Variants in TBL1XR1 observed in about 807,000 individuals in gnomAD.
TBL1XR1 encodes the protein TBL1X/Y related 1.
TBL1XR1 carries 5 observed loss-of-function variants against 66.9 expected under a neutral mutation model. That is an observed-to-expected ratio of 0.07 (90% CI 0.04 to 0.16). The LOEUF is 0.16. Among genes scored for constraint, TBL1XR1 ranks in the 10% least tolerant of loss-of-function variants. The probability of loss-of-function intolerance (pLI) is 1.00; values close to 1 mark genes in which losing one functional copy is unlikely to be tolerated. For synonymous variants in TBL1XR1, 210 were observed against 206.0 expected (o/e 1.02, Z -0.17); for missense variants, 238 against 623.2 (o/e 0.38, Z 6.58).
intron 1 of TBL1XR1, among the ~76,000 whole-genome samples, chr3:177,180,265 CACT>C (rs1734657270): frequency 6.7e-6 from 1 of 148,386 alleles, no homozygotes; most frequent in African/African-American, 2.5e-5. Flanking sequence ...AAAGCATACC[CACT>C]ACAAGAAACA....
upstream of TBL1XR1, among the ~76,000 whole-genome samples, chr3:177,199,461 C>T (rs1737300307): frequency 7.1e-6 from 1 of 140,590 alleles, no homozygotes; most frequent in Admixed American, 7.0e-5. Flanking sequence ...CTCGGTGGAG[C>T]CACTCAATGA....
At chr3:177,201,414 C>CAAAAAAAAAA (rs557996871), upstream of TBL1XR1, among the ~76,000 whole-genome samples, 1 of 41,352 alleles carries the variant, frequency 2.4e-5, no homozygotes, top group African/African-American at 7.1e-5. Flanking sequence ...GATTACATCT[C>CAAAAAAAAAA]AAAAAAAAAA....
At chr3:177,133,670 G>C (rs1242675174) in intron 1 of TBL1XR1, among the ~76,000 whole-genome samples, 1 of 152,016 alleles carries the variant, frequency 6.6e-6, no homozygotes, top group Non-Finnish European at 1.5e-5. Flanking sequence ...GAGAGGCGGA[G>C]GCAGATGGAT....
intron 1 of TBL1XR1, among the ~76,000 whole-genome samples, chr3:177,158,226 TTTC>T (rs1417195795): frequency 9.4e-5 from 4 of 42,350 alleles, no homozygotes; most frequent in Admixed American, 4.2e-4. Context: ...ATTTGTTTCT[TTTC>T]TTTTTTTTTT....
chr3:177,052,766 C>T (rs1717267735), intron 4 of TBL1XR1, among the ~76,000 whole-genome samples: 1 of 152,124 alleles, frequency 6.6e-6, no homozygotes, highest in Non-Finnish European at 1.5e-5. Context: ...ACATGTTAAT[C>T]TCTGAAATAG....
At chr3:177,093,898 T>A (rs1241779962) in intron 2 of TBL1XR1, among the ~76,000 whole-genome samples, 1 of 152,172 alleles carries the variant, frequency 6.6e-6, no homozygotes, top group African/African-American at 2.4e-5. Context: ...AAAACCCTTC[T>A]AGACACTAGC....
At position 177,108,501 on chromosome 3, in the gene TBL1XR1, T is replaced by C. The variant is rs115441269; in HGVS notation, c.-121-9960A>G. 6.6e-3 allele frequency among the ~76,000 whole-genome samples: 1,002 copies of C among 152,294 alleles called. 14 individuals are homozygous for C. The highest frequency in any genetic ancestry group is 0.023 in the African/African-American group (954 of 41,564). ...TCATCTATATAGTGTATTAGACAGC[T>C]TGATAACAAGTATGAACATAGTGTT... On this transcript the variant is annotated intron_variant, in intron 1 of 15. Coordinates refer to ENST00000457928, the MANE Select transcript of TBL1XR1 (RefSeq NM_024665.7).
chr3:177,098,356 G>A (rs1723765698), intron 2 of TBL1XR1, 110 bp downstream of exon 2: 2 of 438,328 alleles, frequency 4.6e-6, no homozygotes. Context: ...CACTTACTTA[G>A]CTTGGGAACA....
chr3:177,060,617 CAG>C (rs1718394015), intron 3 of TBL1XR1, among the ~76,000 whole-genome samples: 2 of 152,134 alleles, frequency 1.3e-5, no homozygotes, highest in Non-Finnish European at 2.9e-5. Flanking sequence ...AACCAGGTGT[CAG>C]AAAGTTCAAA....
chr3:177,049,213 G>T (rs1390691617), intron 7 of TBL1XR1, among the ~76,000 whole-genome samples: 3 of 152,150 alleles, frequency 2.0e-5, no homozygotes, highest in Non-Finnish European at 4.4e-5. Flanking sequence ...CCTTTAGAAA[G>T]TCCACAAAGG....
At chr3:177,028,920 C>CA (rs1713541207) in intron 14 of TBL1XR1, among the ~76,000 whole-genome samples, 1 of 151,950 alleles carries the variant, frequency 6.6e-6, no homozygotes. Context: ...ATGAAACCGG[C>CA]ATTATGAAAA....
At chr3:177,067,671 C>CCT (rs1719341074) in intron 2 of TBL1XR1, among the ~76,000 whole-genome samples, 1 of 151,908 alleles carries the variant, frequency 6.6e-6, no homozygotes. Context: ...TTTAATTGAT[C>CCT]ATAGTGCTAT....
intron 1 of TBL1XR1, among the ~76,000 whole-genome samples, chr3:177,190,051 T>C (rs1386021396): frequency 2.1e-5 from 3 of 145,856 alleles, no homozygotes; most frequent in Non-Finnish European, 1.5e-5. Flanking sequence ...GAAAATCGCT[T>C]GAACCCAGGA....
At chr3:177,133,586 T>C (rs1264401324) in intron 1 of TBL1XR1, among the ~76,000 whole-genome samples, 2 of 152,098 alleles carry the variant, frequency 1.3e-5, no homozygotes, top group African/African-American at 4.8e-5. Context: ...TACATAATAA[T>C]ATACGCATAC....
At chr3:177,069,537 C>T (rs1289814776) in intron 2 of TBL1XR1, among the ~76,000 whole-genome samples, 2 of 151,692 alleles carry the variant, frequency 1.3e-5, no homozygotes, top group Non-Finnish European at 2.9e-5. Context: ...AGTTTGACAC[C>T]AGCCTGATCA....
At chr3:177,122,811 A>C (rs927401988) in intron 1 of TBL1XR1, among the ~76,000 whole-genome samples, 1 of 152,128 alleles carries the variant, frequency 6.6e-6, no homozygotes, top group East Asian at 1.9e-4. Context: ...TCATCCACAA[A>C]TACCAAACAA....
chr3:177,132,257 T>A (rs539804005), intron 1 of TBL1XR1, among the ~76,000 whole-genome samples: 1 of 152,276 alleles, frequency 6.6e-6, no homozygotes, highest in Admixed American at 6.5e-5. Flanking sequence ...CACTATGGGA[T>A]CCCTGGTTCC....
intron 1 of TBL1XR1, among the ~76,000 whole-genome samples, chr3:177,135,011 T>TCTGTCACTCAGGCTGGAGTGCAGTG: frequency 8.1e-6 from 1 of 124,110 alleles, no homozygotes; most frequent in Non-Finnish European, 1.7e-5. Context: ...GGCGTCTTGC[T>TCTGTCACTCAGGCTGGAGTGCAGTG]CTGTCACTCA....
At chr3:177,096,846 G>A (rs556063352) in intron 2 of TBL1XR1, among the ~76,000 whole-genome samples, 2 of 152,236 alleles carry the variant, frequency 1.3e-5, no homozygotes, top group East Asian at 3.9e-4. Context: ...GCCATCCTTT[G>A]TGCTAGGTAA....
Sources: allele counts gnomAD v4.1 joint callset (sites outside exome capture counted in the v4.1 genomes callset), GRCh38; gene constraint gnomAD v4.1.1; transcripts MANE v1.5; gene names NCBI Gene and HGNC (gene_info 2026-07-23, HGNC 2026-07-21).